The following UBE4B variants were observed in gnomAD, a reference collection of about 807,000 sequenced individuals.
The protein encoded by UBE4B is ubiquitination factor E4B.
In UBE4B, 27 loss-of-function variants were observed where a neutral mutation model predicts 148.1. That is an observed-to-expected ratio of 0.18 (90% CI 0.13 to 0.25). The LOEUF (loss-of-function observed/expected upper bound fraction) is 0.25. Among genes scored for constraint, UBE4B ranks in the 10% least tolerant of loss-of-function variants. The pLI is 1.00. For missense variants in UBE4B, 1,170 were observed against 1,662.4 expected (o/e 0.70, Z 5.15); for synonymous variants, 596 against 619.3 (o/e 0.96, Z 0.56).
intron 17 of UBE4B, among the ~76,000 whole-genome samples, chr1:10,144,615 A>G (rs1445368952): frequency 6.6e-6 from 1 of 151,932 alleles, no homozygotes; most frequent in African/African-American, 2.4e-5. Flanking sequence ...AGCACCTGTA[A>G]TCCCAGCTAC....
rs549770639 is a variant in UBE4B at position 10,148,110 on chromosome 1, C to T, written c.2591+1020C>T. On this transcript the variant is annotated intron_variant, in intron 19 of 27. Transcript: ENST00000343090. ...GGCGCTGTGGCGGGTGCCTGTAGTC[C>T]CAGCTACTCGGGAGGCTGAGGCAGG... Among the ~76,000 whole-genome samples, 24 of 151,740 alleles carry T rather than the reference C, an allele frequency of 1.6e-4. 1 individual carries two copies. In the East Asian group the frequency reaches 4.7e-3, roughly 30 times the overall value.
intron 7 of UBE4B, chr1:10,107,327 AGGT>A (rs1235271813): frequency 2.3e-6 from 3 of 1,289,048 alleles, no homozygotes; most frequent in Non-Finnish European, 2.0e-6. Flanking sequence ...GTGATGATGA[AGGT>A]GGTGGTGGTG....
In UBE4B at chr1:10,072,183, G is replaced by A. The variant is rs757274612; in HGVS notation, c.180G>A (p.Met60Ile). The A allele has an allele frequency of 7.4e-6, 12 of 1,613,666 alleles. No individual in the cohort carries two copies. The South Asian group carries it at 9.9e-5, about 13-fold the overall frequency. ...SQSLGLNVHNMTPATSPIGAS... is the reference protein window; with the variant it reads ...SQSLGLNVHNITPATSPIGAS... ...GTCTTGGTCTCAATGTCCACAACAT[G>A]ACCCCAGCTACCTCCCCAATAGGTG... The change falls in exon 2 of 28, where the codon ATG becomes ATA. Residue 60 changes from methionine to isoleucine, a missense_variant. Physicochemically the swap from Met to Ile is conservative, Grantham distance 10. Around this residue, in one of 6 missense-constraint regions of UBE4B, gnomAD observed 127 missense variants for 153.2 expected, o/e 0.83. Coordinates refer to ENST00000343090, the MANE Select transcript of UBE4B (RefSeq NM_001105562.3).
At position 10,161,145 on chromosome 1, in the gene UBE4B, C is replaced by G; in HGVS notation, c.3057C>G (p.Ser1019=). The change falls in exon 23 of 28, where the codon TCC becomes TCG. Residue 1019 remains serine, a synonymous_variant. Coordinates refer to ENST00000343090, the MANE Select transcript of UBE4B (RefSeq NM_001105562.3). This position sits in a 1 kb window ranked among gnomAD's most constrained non-coding sequence, Gnocchi z 4.1. ...TACAATATAATTGCCTTTCCAGCTC[C>G]GGGAAGCAGTTTGTTCGCTATATAA... is the stretch of plus-strand genomic sequence containing the variant. ...HHGTFMEEFN[S]GKQFVRYINM... 1 of 1,613,668 alleles carries G rather than the reference C, an allele frequency of 6.2e-7. No individual in the cohort carries two copies. Among genetic ancestry groups the G allele is most frequent in the Non-Finnish European group, 8.5e-7 (1 of 1,179,792 alleles).
chr1:10,166,677 T>A (rs1646250810), intron 23 of UBE4B, among the ~76,000 whole-genome samples: 2 of 151,706 alleles, frequency 1.3e-5, no homozygotes, highest in African/African-American at 2.4e-5. Flanking sequence ...TAATCCCAGC[T>A]CTTTGGGAGG....
At chr1:10,172,534 A>G (rs1275160944) in intron 25 of UBE4B, among the ~76,000 whole-genome samples, 2 of 152,018 alleles carry the variant, frequency 1.3e-5, no homozygotes, top group African/African-American at 4.8e-5. Flanking sequence ...GTCCACTTAA[A>G]ATGCCCACAA....
chr1:10,055,979 A>G (rs1353288700), intron 1 of UBE4B, among the ~76,000 whole-genome samples: 1 of 152,170 alleles, frequency 6.6e-6, no homozygotes, highest in Non-Finnish European at 1.5e-5. Flanking sequence ...TTAGTCATCT[A>G]CGTTAATCTT....
chr1:10,101,040 C>T, intron 3 of UBE4B, 68 bp from the exon 4 acceptor site: 2 of 1,354,056 alleles, frequency 1.5e-6, no homozygotes, highest in East Asian at 2.3e-5. Context: ...TTTTCTCACC[C>T]AGCAGCTACA....
At chr1:10,107,589 T>G (rs1645138653) in intron 7 of UBE4B, among the ~76,000 whole-genome samples, 1 of 150,306 alleles carries the variant, frequency 6.7e-6, no homozygotes, top group Admixed American at 6.6e-5. Flanking sequence ...TTTTTTTTTT[T>G]TTTTTGAGGC....
chr1:10,166,094 A>T (rs1646241658), intron 23 of UBE4B: 1 of 152,082 alleles, frequency 6.6e-6, no homozygotes, highest in Non-Finnish European at 1.5e-5. Flanking sequence ...CAGAATCTCC[A>T]TCAAGCACAG....
chr1:10,053,606 A>G (rs1644099352), intron 1 of UBE4B, among the ~76,000 whole-genome samples: 1 of 152,034 alleles, frequency 6.6e-6, no homozygotes, highest in South Asian at 2.1e-4. Context: ...CTATCAACCC[A>G]TCACTTAGTA....
At chr1:10,072,435 C>CTTT in intron 2 of UBE4B, 14 of 545,048 alleles carry the variant, frequency 2.6e-5, no homozygotes, top group South Asian at 1.3e-4. Context: ...TAACTTCCAT[C>CTTT]TTTTTTTTTT....
intron 2 of UBE4B, among the ~76,000 whole-genome samples, chr1:10,080,335 G>A (rs1410274461): frequency 6.6e-6 from 1 of 151,612 alleles, no homozygotes; most frequent in Non-Finnish European, 1.5e-5. Flanking sequence ...CAGGAGAATC[G>A]CTTGAACCCA....
intron 3 of UBE4B, among the ~76,000 whole-genome samples, chr1:10,099,959 GT>G: frequency 6.6e-6 from 1 of 152,084 alleles, no homozygotes; most frequent in Non-Finnish European, 1.5e-5. Flanking sequence ...CTTCAGTTGA[GT>G]TTTTTATTTT....
chr1:10,041,846 G>A (rs1643781714), intron 1 of UBE4B, among the ~76,000 whole-genome samples: 1 of 151,626 alleles, frequency 6.6e-6, no homozygotes, highest in Non-Finnish European at 1.5e-5. Flanking sequence ...ACAGGCACAT[G>A]CCACTACTGC....
intron 18 of UBE4B, among the ~76,000 whole-genome samples, chr1:10,146,057 T>C (rs1424296214): frequency 6.6e-6 from 1 of 152,204 alleles, no homozygotes; most frequent in African/African-American, 2.4e-5. Context: ...TATTTACTAA[T>C]AGACTAGACT....
At chr1:10,102,354 A>G (rs1467804906) in intron 4 of UBE4B, among the ~76,000 whole-genome samples, 3 of 134,142 alleles carry the variant, frequency 2.2e-5, no homozygotes, top group African/African-American at 8.2e-5. Context: ...CCTCTGTCAC[A>G]TATTTTTCCT....
intron 1 of UBE4B, among the ~76,000 whole-genome samples, chr1:10,063,281 A>G (rs1255409967): frequency 6.6e-6 from 1 of 152,184 alleles, no homozygotes; most frequent in Non-Finnish European, 1.5e-5. Flanking sequence ...AAAAAACAAA[A>G]ACAAAACAGA....
At chr1:10,048,326 G>T (rs963696709) in intron 1 of UBE4B, among the ~76,000 whole-genome samples, 3 of 152,172 alleles carry the variant, frequency 2.0e-5, no homozygotes, top group Non-Finnish European at 2.9e-5. Context: ...CCTGTTCTTT[G>T]TCCATATGGA....
Sources: allele counts gnomAD v4.1 joint callset (sites outside exome capture counted in the v4.1 genomes callset), GRCh38; gene constraint gnomAD v4.1.1; regional missense constraint gnomAD v4.1.1; non-coding constraint Gnocchi (gnomAD v3.1); transcripts MANE v1.5; gene names NCBI Gene and HGNC (gene_info 2026-07-23, HGNC 2026-07-21).